The following LCORL variants were observed in gnomAD, a reference collection of about 807,000 sequenced individuals.
The protein encoded by LCORL is ligand-dependent nuclear receptor corepressor-like protein.
A neutral mutation model predicts 141.8 loss-of-function variants in LCORL; 41 were observed. The observed-to-expected ratio is 0.29, with a 90% confidence interval of 0.23 to 0.38. The LOEUF is 0.38. Among genes scored for constraint, LCORL ranks in the 10% least tolerant of loss-of-function variants. LCORL has a pLI of 1.00. For synonymous variants in LCORL, 618 were observed against 694.1 expected (o/e 0.89, Z 1.72); for missense variants, 1,759 against 2,035.0 (o/e 0.86, Z 2.61).
intron 4 of LCORL, among the ~76,000 whole-genome samples, chr4:17,947,540 AAG>A (rs1218115159): frequency 6.6e-6 from 1 of 151,904 alleles, no homozygotes; most frequent in African/African-American, 2.4e-5. Flanking sequence ...CAAAATCACT[AAG>A]AGAGTAAATT....
intron 4 of LCORL, among the ~76,000 whole-genome samples, chr4:17,951,756 AT>A (rs1739753968): frequency 6.6e-6 from 1 of 152,160 alleles, no homozygotes; most frequent in Non-Finnish European, 1.5e-5. Context: ...AGACAGGGAT[AT>A]TTTTTCTTTT....
intron 4 of LCORL, among the ~76,000 whole-genome samples, chr4:17,917,294 G>C (rs531999651): frequency 2.4e-4 from 36 of 152,310 alleles, no homozygotes; most frequent in African/African-American, 8.2e-4. Flanking sequence ...CTGGGTTCAA[G>C]TGATTCTCCT....
intron 4 of LCORL, among the ~76,000 whole-genome samples, chr4:17,920,256 A>T (rs989703796): frequency 1.3e-5 from 2 of 152,190 alleles, no homozygotes; most frequent in South Asian, 2.1e-4. Flanking sequence ...GTATGTGGGG[A>T]AAACCATCCA....
exon 7 of LCORL, chr4:17,873,682 G>A (rs1726616171): frequency 1.6e-6 from 2 of 1,233,856 alleles, no homozygotes; most frequent in South Asian, 4.1e-5. Flanking sequence ...AAAGTAAAGC[G>A]CTTTGATTCT....
chr4:18,006,042 GCT>G (rs1007869805), intron 1 of LCORL, among the ~76,000 whole-genome samples: 2 of 152,152 alleles, frequency 1.3e-5, no homozygotes, highest in East Asian at 1.9e-4. Flanking sequence ...AAACTTTTAT[GCT>G]CTGTTTCCCT....
In LCORL at chr4:17,841,560, T is replaced by G. The variant is rs547462152; in HGVS notation, c.*4328A>C. On this transcript the variant is annotated 3_prime_UTR_variant, in exon 8 of 8. Coordinates refer to ENST00000635767, the Ensembl canonical transcript of LCORL. Reference sequence around the variant, plus strand: ...AACATGAATGAAGTAGAGTATATAATTTTCAGACTGTCACATTGAACAGTT... The same window carrying G: ...AACATGAATGAAGTAGAGTATATAAGTTTCAGACTGTCACATTGAACAGTT... 3 of 152,060 alleles carry G rather than the reference T, an allele frequency of 2.0e-5. No homozygotes were observed. The East Asian group carries it at 5.8e-4, about 29-fold the overall frequency. 9.4% of individuals were successfully genotyped at this position (152,060 alleles called of 1,614,324 possible).
chr4:17,874,176 T>G, exon 7 of LCORL: 1 of 1,233,998 alleles, frequency 8.1e-7, no homozygotes, highest in Non-Finnish European at 1.0e-6. Context: ...TTTCCACCTT[T>G]CATGATGCAA....
At chr4:17,843,519 A>T in exon 8 of LCORL, 1 of 1,408,474 alleles carries the variant, frequency 7.1e-7, no homozygotes, top group Non-Finnish European at 9.7e-7. Flanking sequence ...AACAAACCTG[A>T]TGTCTTTCTG....
At chr4:17,936,095 T>A (rs1376709108) in intron 4 of LCORL, among the ~76,000 whole-genome samples, 1 of 152,170 alleles carries the variant, frequency 6.6e-6, no homozygotes, top group Non-Finnish European at 1.5e-5. Flanking sequence ...CAATCTTGTA[T>A]AATGTAATTC....
intron 1 of LCORL, among the ~76,000 whole-genome samples, chr4:18,000,677 C>T (rs1721807712): frequency 6.6e-6 from 1 of 152,180 alleles, no homozygotes; most frequent in African/African-American, 2.4e-5. Context: ...ATATATACTA[C>T]ATAATCCCAT....
intron 3 of LCORL, 71 bp from the exon 4 acceptor site, chr4:17,962,103 A>T: frequency 9.1e-7 from 1 of 1,096,750 alleles, no homozygotes; most frequent in Non-Finnish European, 1.3e-6. Flanking sequence ...ATTAAAAATG[A>T]CAAAAAATTA....
At position 17,882,651 on chromosome 4, in the gene LCORL, C is replaced by A; in HGVS notation, c.776+3417G>T. On this transcript the variant is annotated intron_variant, in intron 6 of 7. Transcript: ENST00000635767. ...TATTAGCAAAATGATAATGTATCGC[C>A]CACCAAAATGAAATCTGCAATTCAT... 6.1e-6 allele frequency: 6 copies of A among 984,492 alleles called. No individual in the cohort carries two copies. The South Asian group carries it at 1.9e-4, about 31-fold the overall frequency. 61.0% of individuals were successfully genotyped at this position (984,492 alleles called of 1,614,324 possible).
At chr4:17,990,483 A>G (rs1239490539) in intron 1 of LCORL, among the ~76,000 whole-genome samples, 2 of 151,044 alleles carry the variant, frequency 1.3e-5, no homozygotes, top group South Asian at 2.1e-4. Flanking sequence ...ACTGTGCCTT[A>G]TAACAAACTA....
At chr4:17,845,535 A>G in exon 8 of LCORL, 1 of 431,100 alleles carries the variant, frequency 2.3e-6, no homozygotes, top group South Asian at 6.7e-5. Context: ...ACAAAATTCC[A>G]CAATGATCTG....
At chr4:17,852,013 C>A (rs1353821202) in intron 7 of LCORL, among the ~76,000 whole-genome samples, 1 of 152,010 alleles carries the variant, frequency 6.6e-6, no homozygotes, top group East Asian at 1.9e-4. Flanking sequence ...TTATGAAAAT[C>A]CTTTGTTCTA....
chr4:17,870,889 A>C (rs1477732709), intron 7 of LCORL, among the ~76,000 whole-genome samples: 1 of 152,104 alleles, frequency 6.6e-6, no homozygotes, highest in Non-Finnish European at 1.5e-5. Flanking sequence ...AAATTTAAAA[A>C]CTCATAAATT....
chr4:17,949,669 C>T (rs997331931), intron 4 of LCORL, among the ~76,000 whole-genome samples: 1 of 152,138 alleles, frequency 6.6e-6, no homozygotes, highest in Non-Finnish European at 1.5e-5. Flanking sequence ...CTAGCTCTTA[C>T]TTCAAGTAGA....
At chr4:17,980,940 CT>C (rs1717878426) in intron 1 of LCORL, among the ~76,000 whole-genome samples, 1 of 152,172 alleles carries the variant, frequency 6.6e-6, no homozygotes, top group Non-Finnish European at 1.5e-5. Context: ...AACCATGCCC[CT>C]GTCCATGGAA....
At chr4:18,012,425 C>A (rs1435099737) in intron 1 of LCORL, among the ~76,000 whole-genome samples, 1 of 152,180 alleles carries the variant, frequency 6.6e-6, no homozygotes, top group Admixed American at 6.5e-5. Context: ...AGCCAAGTTC[C>A]TCAATGCAAC....
Sources: allele counts gnomAD v4.1 joint callset (sites outside exome capture counted in the v4.1 genomes callset), GRCh38; gene constraint gnomAD v4.1.1; transcripts MANE v1.5; gene names NCBI Gene and HGNC (gene_info 2026-07-23, HGNC 2026-07-21).